PTGES2: variants seen among roughly 807,000 people sequenced by gnomAD.
PTGES2 encodes the protein prostaglandin E synthase 2.
In PTGES2, 35 loss-of-function variants were observed where a neutral mutation model predicts 44.5. That is an observed-to-expected ratio of 0.79 (90% CI 0.60 to 1.04). The LOEUF (loss-of-function observed/expected upper bound fraction) is 1.04, where lower values mean the gene tolerates loss of function less well. Ranked by LOEUF, PTGES2 falls within the 50% of genes least tolerant of loss-of-function variation. The pLI is 0.00. For missense variants in PTGES2, 517 were observed against 521.4 expected (o/e 0.99, Z 0.08); for synonymous variants, 221 against 227.5 (o/e 0.97, Z 0.26).
At chr9:128,125,057 G>A (rs1395720653) in intron 2 of PTGES2, among the ~76,000 whole-genome samples, 187 bp downstream of exon 2, 1 of 152,236 alleles carries the variant, frequency 6.6e-6, no homozygotes, top group Non-Finnish European at 1.5e-5. Flanking sequence ...CAGGTGTTTG[G>A]TTTTGGTACG....
intron 3 of PTGES2, 60 bp downstream of exon 3, chr9:128,124,432 G>A: frequency 6.7e-7 from 1 of 1,500,172 alleles, no homozygotes; most frequent in Non-Finnish European, 9.3e-7. Context: ...ACTCAGGGGA[G>A]GCCTCCCTGG....
At chr9:128,124,221 C>A (rs942036428) in intron 3 of PTGES2, 1 of 383,106 alleles carries the variant, frequency 2.6e-6, no homozygotes. Context: ...GTAGCTGGGA[C>A]TACAGGCACT....
At chr9:128,124,593 C>A (rs767003086) in intron 2 of PTGES2, 43 bp from the exon 3 acceptor site, 8 of 1,581,338 alleles carry the variant, frequency 5.1e-6, no homozygotes, top group South Asian at 1.1e-5. Context: ...TGCAACCCAG[C>A]CGCTGGGAGT....
upstream of PTGES2, chr9:128,127,801 G>A (rs1834692796): frequency 1.7e-6 from 2 of 1,188,548 alleles, no homozygotes; most frequent in Non-Finnish European, 2.1e-6. Flanking sequence ...GGACTCTGGC[G>A]CCCCGCGGGT....
At chr9:128,124,652 T>TGG (rs1834551319) in intron 2 of PTGES2, 102 bp from the exon 3 acceptor site, 1 of 1,356,260 alleles carries the variant, frequency 7.4e-7, no homozygotes, top group Non-Finnish European at 1.0e-6. Context: ...TATCCATTCC[T>TGG]GGGGACATGC....
At chr9:128,122,840 C>A in intron 5 of PTGES2, 94 bp downstream of exon 5, 1 of 1,375,580 alleles carries the variant, frequency 7.3e-7, no homozygotes, top group Non-Finnish European at 1.0e-6. Context: ...GCCTCGGCCT[C>A]CCGCTGGTCT....
At position 128,123,644 on chromosome 9, in the gene PTGES2, A is replaced by G; in HGVS notation, c.686+58T>C. ...ACGCCATCTTGCTCAGCTTGGTCCT[A>G]CTCTACAGAAGACCCCTGCGGTCAC... On this transcript the variant is annotated intron_variant, in intron 4 of 6. Transcript: ENST00000338961. The surrounding 1 kb of genome is among the most constrained non-coding windows in gnomAD (Gnocchi z 4.4). The G allele has an allele frequency of 6.4e-7, 1 of 1,550,498 alleles. No individual in the cohort carries two copies. Among genetic ancestry groups the G allele is most frequent in the East Asian group, 2.3e-5 (1 of 43,994 alleles).
intron 6 of PTGES2, among the ~76,000 whole-genome samples, chr9:128,122,006 G>A (rs1044896069): frequency 3.3e-5 from 5 of 152,082 alleles, no homozygotes; most frequent in East Asian, 1.9e-4. Flanking sequence ...GGGTTTTCTG[G>A]GAGAAGCCTG....
Position 128,123,930 on chromosome 9 carries a change from TCA to T in PTGES2, c.537-81_537-80del, listed in dbSNP as rs753926528. 1.1e-5 allele frequency: 17 copies of T among 1,535,152 alleles called. No homozygotes were observed. The highest frequency in any genetic ancestry group is 1.5e-5 in the Non-Finnish European group (17 of 1,122,792). On this transcript the variant is annotated intron_variant, in intron 3 of 6. Coordinates refer to ENST00000338961, the MANE Select transcript of PTGES2 (RefSeq NM_025072.7). The surrounding 1 kb of genome is among the most constrained non-coding windows in gnomAD (Gnocchi z 4.4). ...GCCGACCAACCCCGCTGCCCCAGCC[TCA>T]GAGTGGAGCCAGGACCAACAAAGGC...
rs142686875 is a variant in PTGES2, at chr9:128,122,608, T to C, written c.888-129A>G. 1.3e-5 allele frequency: 10 copies of C among 749,874 alleles called. No individual in the cohort carries two copies. In the African/African-American group the frequency reaches 1.7e-4, roughly 13 times the overall value. The allele number at this position is 749,874 out of a possible 1,614,324, so 46.5% of individuals were successfully genotyped here. Reference sequence around the variant, plus strand: ...GCACCCCAGGTGAGAGCATCACATCTGCAGACGCCTCAGGGAGCATCCGTC... The same window carrying C: ...GCACCCCAGGTGAGAGCATCACATCCGCAGACGCCTCAGGGAGCATCCGTC... On this transcript the variant is annotated intron_variant, in intron 5 of 6. Coordinates refer to ENST00000338961, the MANE Select transcript of PTGES2 (RefSeq NM_025072.7).
chr9:128,122,192 ATC>A (rs1362068289), intron 6 of PTGES2, among the ~76,000 whole-genome samples, 168 bp downstream of exon 6: 1 of 152,190 alleles, frequency 6.6e-6, no homozygotes, highest in Non-Finnish European at 1.5e-5. Context: ...GTTCCTGGTC[ATC>A]TGTTTCTCTC....
At position 128,123,900 on chromosome 9, in the gene PTGES2, C is replaced by T. The variant is rs751036183; in HGVS notation, c.537-49G>A. On this transcript the variant is annotated intron_variant, in intron 3 of 6. Transcript: ENST00000338961. This position sits in a 1 kb window ranked among gnomAD's most constrained non-coding sequence, Gnocchi z 4.4. ...CCCCAACTCCTTCCCCCTCCGTCCCCTGTGGCCGACCAACCCCGCTGCCCC... is the reference window on the plus strand; with the variant it reads ...CCCCAACTCCTTCCCCCTCCGTCCCTTGTGGCCGACCAACCCCGCTGCCCC... 3 of 1,590,102 alleles carry T rather than the reference C, an allele frequency of 1.9e-6. No individual in the cohort carries two copies. The highest frequency in any genetic ancestry group is 2.6e-6 in the Non-Finnish European group (3 of 1,162,142).
chr9:128,125,102 G>C (rs780399193), intron 2 of PTGES2, 142 bp downstream of exon 2: 19 of 800,818 alleles, frequency 2.4e-5, no homozygotes, highest in Non-Finnish European at 3.5e-5. Flanking sequence ...AGCATCTACC[G>C]TATGCAGCTA....
rs1438852750 is a variant in PTGES2 at position 128,123,749 on chromosome 9, G to A, written c.639C>T (p.Leu213=). The A allele has an allele frequency of 2.5e-6, 4 of 1,612,870 alleles. No individual in the cohort carries two copies. In the Admixed American group the frequency reaches 5.0e-5, roughly 20 times the overall value. Residue 213 remains leucine (L), a synonymous_variant, in exon 4 of 7, where the codon CTC becomes CTT. Transcript: ENST00000338961. The surrounding 1 kb of genome is among the most constrained non-coding windows in gnomAD (Gnocchi z 4.4). ...ACACTTGCTGGGCCTCCTTCTCGTT[G>A]AGCATGAGCCAGTACTTATTGCCGA... ...TEFGNKYWLM[L]NEKEAQQVYG... is the part of the protein sequence containing the mutation.
chr9:128,121,298 A>C, intron 6 of PTGES2, 25 bp from the exon 7 acceptor site: 1 of 1,594,870 alleles, frequency 6.3e-7, no homozygotes, highest in Non-Finnish European at 8.6e-7. Flanking sequence ...GAAACGTGTC[A>C]CCATAGCTGG....
At chr9:128,127,329 C>G in intron 1 of PTGES2, 110 bp downstream of exon 1, 1 of 1,016,304 alleles carries the variant, frequency 9.8e-7, no homozygotes, top group Non-Finnish European at 1.3e-6. Flanking sequence ...GACCAAGTCA[C>G]TCGCCCAAGG....
At position 128,122,456 on chromosome 9, in the gene PTGES2, C is replaced by T. The variant is rs775998974; in HGVS notation, c.911G>A (p.Arg304His). The T allele has an allele frequency of 6.2e-6, 10 of 1,614,018 alleles. No homozygotes were observed. Among genetic ancestry groups the T allele is most frequent in the African/African-American group, 2.7e-5 (2 of 74,940 alleles). The change falls in exon 6 of 7, where the codon CGC (arginine) becomes CAC (histidine). Residue 304 changes from arginine to histidine, a missense_variant. Physicochemically the swap from Arg to His is conservative, Grantham distance 29 (BLOSUM62 0). Transcript: ENST00000338961. ...GTCAGCAGCCTCATAGAGGTCCTCGCGCACGTTGTCCTGGAGGCGGTGCCT... is the reference window on the plus strand; with the variant it reads ...GTCAGCAGCCTCATAGAGGTCCTCGTGCACGTTGTCCTGGAGGCGGTGCCT... ...KSRHRLQDNV[R>H]EDLYEAADKW...
rs1481901451 is a variant in PTGES2, at chr9:128,121,110, T to A, written c.*35A>T. ...GCCCCAGGCCCTGGCAGCTGGCGTCTTCCGCTGCCTTCCCTCTGCTCTGCG... is the reference window on the plus strand; with the variant it reads ...GCCCCAGGCCCTGGCAGCTGGCGTCATCCGCTGCCTTCCCTCTGCTCTGCG... On this transcript the variant is annotated 3_prime_UTR_variant, in exon 7 of 7. Coordinates refer to ENST00000338961, the MANE Select transcript of PTGES2 (RefSeq NM_025072.7). 2 of 1,560,484 alleles carry A rather than the reference T, an allele frequency of 1.3e-6. No individual in the cohort carries two copies. The highest frequency in any genetic ancestry group is 1.7e-6 in the Non-Finnish European group (2 of 1,153,274).
chr9:128,122,263 G>T, intron 6 of PTGES2, 99 bp downstream of exon 6: 1 of 926,800 alleles, frequency 1.1e-6, no homozygotes, highest in Non-Finnish European at 1.7e-6. Flanking sequence ...AGGTTCCTCT[G>T]GCAAGATGCA....
Sources: gnomAD v4.1 joint callset for allele counts (sites outside exome capture counted in the v4.1 genomes callset) on GRCh38, gnomAD v4.1.1 for gene constraint, Gnocchi (gnomAD v3.1) non-coding constraint, MANE v1.5 for transcripts, NCBI Gene and HGNC (gene_info 2026-07-23, HGNC 2026-07-21) for gene names.